MXD4: variants seen among roughly 807,000 people sequenced by gnomAD.
The protein encoded by MXD4 is MAX dimerization protein 4, also known as Mad4 homolog.
A neutral mutation model predicts 24.5 loss-of-function variants in MXD4; 16 were observed. That is an observed-to-expected ratio of 0.65 (90% confidence interval 0.44 to 0.99). MXD4 has a LOEUF of 0.99. MXD4 is among the 50% of genes least tolerant of loss of function. The pLI is 0.00. For synonymous variants in MXD4, 164 were observed against 134.2 expected (o/e 1.22, Z -1.54); for missense variants, 301 against 301.5 (o/e 1.00, Z 0.01).
Position 2,251,212 on chromosome 4 carries a change from A to C in MXD4, c.344T>G (p.Ile115Ser). ...LEEQDRRALS[I>S]KEQLQQEHRF... ...ATGCTCCTGCTGCAGCTGCTCCTTGATGCTCAGTGCCCGGCGGTCCTGCTC... is the reference window on the plus strand; with the variant it reads ...ATGCTCCTGCTGCAGCTGCTCCTTGCTGCTCAGTGCCCGGCGGTCCTGCTC... Residue 115 changes from isoleucine (I) to serine (S), a missense_variant, in exon 5 of 6, where the codon ATC becomes AGC. By Grantham distance (142) the Ile-to-Ser change is moderately radical. Coordinates refer to ENST00000337190, the MANE Select transcript of MXD4 (RefSeq NM_006454.3). The C allele has an allele frequency of 1.2e-6, 2 of 1,608,620 alleles. No individual in the cohort carries two copies. The highest frequency in any genetic ancestry group is 1.7e-6 in the Non-Finnish European group (2 of 1,177,336).
intron 2 of MXD4, among the ~76,000 whole-genome samples, chr4:2,259,357 A>G (rs1735493327): frequency 6.6e-6 from 1 of 152,152 alleles, no homozygotes; most frequent in South Asian, 2.1e-4. Flanking sequence ...GAGCCTCCGA[A>G]TCACTGCCAG....
chr4:2,254,968 CA>C (rs1735396051), intron 3 of MXD4: 1 of 247,998 alleles, frequency 4.0e-6, no homozygotes, highest in Non-Finnish European at 8.0e-6. Context: ...CTTGGTCCTA[CA>C]AAACTATCCC....
intron 2 of MXD4, among the ~76,000 whole-genome samples, chr4:2,259,991 G>A (rs1423183558): frequency 6.6e-6 from 1 of 152,228 alleles, no homozygotes. Context: ...AAGCCTCACA[G>A]GTGGGGACAA....
chr4:2,250,811 G>T, intron 5 of MXD4, 110 bp from the exon 6 acceptor site: 1 of 1,357,900 alleles, frequency 7.4e-7, no homozygotes, highest in Non-Finnish European at 9.9e-7. Flanking sequence ...TGCGGAGGGC[G>T]CTGTCTGGGC....
chr4:2,259,075 G>A (rs1486850747), intron 2 of MXD4: 1 of 420,844 alleles, frequency 2.4e-6, no homozygotes, highest in Non-Finnish European at 4.9e-6. Flanking sequence ...GGTGGGCAGA[G>A]AGCTCAGACT....
At position 2,248,633 on chromosome 4, in the gene MXD4, C is replaced by T. The variant is rs1283538800; in HGVS notation, c.*1911G>A. The T allele has an allele frequency of 6.6e-6, 1 of 152,310 alleles. No homozygotes were observed. Among genetic ancestry groups the T allele is most frequent in the Non-Finnish European group, 1.5e-5 (1 of 68,108 alleles). The allele number at this position is 152,310 out of a possible 1,614,324, so 9.4% of individuals were successfully genotyped here. A position where few individuals can be genotyped will look rare whatever the true frequency, so the allele number is the denominator to read the frequency against. On this transcript the variant is annotated 3_prime_UTR_variant, in exon 6 of 6. Transcript: ENST00000337190. ...ATGCAGACAGGCCTCCTCACAACCA[C>T]CCGCAACGCGTTCGGATGCCCCTCA...
chr4:2,261,838 G>T lies in MXD4; in HGVS notation c.65-14C>A. 7.3e-7 allele frequency: 1 copy of T among 1,364,382 alleles called. No homozygotes were observed. The highest frequency in any genetic ancestry group is 9.5e-7 in the Non-Finnish European group (1 of 1,057,874). The allele number at this position is 1,364,382 out of a possible 1,614,324, so 84.5% of individuals were successfully genotyped here. On this transcript the variant is annotated splice_polypyrimidine_tract_variant and intron_variant, in intron 1 of 5. Transcript: ENST00000337190. ...CGTGCTCGGCCTCTGCGGACACACG[G>T]CGCGGTCAGCGGCCCCCGCCCGGCA...
At chr4:2,256,146 G>C (rs1310153013) in intron 3 of MXD4, among the ~76,000 whole-genome samples, 2 of 152,040 alleles carry the variant, frequency 1.3e-5, no homozygotes, top group African/African-American at 2.4e-5. Context: ...GGCTGTCAAG[G>C]GCCAGGAAAG....
rs1178494872 is a variant in MXD4 at position 2,261,778 on chromosome 4, G to A, written c.111C>T (p.Phe37=). 8 of 1,431,096 alleles carry A rather than the reference G, an allele frequency of 5.6e-6. No individual in the cohort carries two copies. Among genetic ancestry groups the A allele is most frequent in the Middle Eastern group, 2.1e-4 (1 of 4,658 alleles). 88.6% of individuals were successfully genotyped at this position (1,431,096 alleles called of 1,614,324 possible). A position where few individuals can be genotyped will look rare whatever the true frequency, so the allele number is the denominator to read the frequency against. ...YASVLPFDGD[F]AREKTKAAGL... is the part of the protein sequence containing the mutation. ...CGGCCGCCTTTGTTTTCTCCCTGGC[G>A]AAGTCGCCGTCGAAGGGCAGCACCG... Residue 37 remains phenylalanine, a synonymous_variant, in exon 2 of 6, where the codon TTC becomes TTT. Coordinates refer to ENST00000337190, the MANE Select transcript of MXD4 (RefSeq NM_006454.3).
At position 2,250,651 on chromosome 4, in the gene MXD4, C is replaced by T; in HGVS notation, c.523G>A (p.Gly175Ser). ...EFGPGELDSV[G>S]SSSDADDHYS... ...TGGTCGTCCGCGTCACTGCTGCTGCCAACACTGTCCAGCTCACCAGGGCCA... is the reference window on the plus strand; with the variant it reads ...TGGTCGTCCGCGTCACTGCTGCTGCTAACACTGTCCAGCTCACCAGGGCCA... Residue 175 changes from glycine to serine, a missense_variant, in exon 6 of 6, where the codon GGC becomes AGC. Coordinates refer to ENST00000337190, the MANE Select transcript of MXD4 (RefSeq NM_006454.3). 6.2e-7 allele frequency: 1 copy of T among 1,613,746 alleles called. No individual in the cohort carries two copies. The highest frequency in any genetic ancestry group is 8.5e-7 in the Non-Finnish European group (1 of 1,179,970).
At chr4:2,254,375 C>T (rs1028160685) in intron 3 of MXD4, 1 of 152,070 alleles carries the variant, frequency 6.6e-6, no homozygotes, top group Non-Finnish European at 1.5e-5. Flanking sequence ...AGCAGACGCA[C>T]ACAAGAGACG....
intron 3 of MXD4, chr4:2,252,822 T>C: frequency 3.1e-6 from 1 of 321,482 alleles, no homozygotes; most frequent in Non-Finnish European, 5.9e-6. Flanking sequence ...CCATCCCCCA[T>C]CCCCCATCCC....
In MXD4 at chr4:2,250,664, C is replaced by T; in HGVS notation, c.510G>A (p.Glu170=). Residue 170 remains glutamate (E), a synonymous_variant, in exon 6 of 6, where the codon GAG becomes GAA. Transcript: ENST00000337190. ...DIEGMEFGPG[E]LDSVGSSSDA... ...CACTGCTGCTGCCAACACTGTCCAGCTCACCAGGGCCAAACTCCATGCCCT... is the reference window on the plus strand; with the variant it reads ...CACTGCTGCTGCCAACACTGTCCAGTTCACCAGGGCCAAACTCCATGCCCT... 3.7e-6 allele frequency: 6 copies of T among 1,613,754 alleles called. No individual in the cohort carries two copies. The highest frequency in any genetic ancestry group is 5.1e-6 in the Non-Finnish European group (6 of 1,179,966).
At position 2,261,982 on chromosome 4, in the gene MXD4, C is replaced by A. The variant is rs1422723501; in HGVS notation, c.-2G>T. The A allele has an allele frequency of 2.2e-6, 3 of 1,345,390 alleles. No homozygotes were observed. The highest frequency in any genetic ancestry group is 2.9e-6 in the Non-Finnish European group (3 of 1,039,780). The allele number at this position is 1,345,390 out of a possible 1,614,324, so 83.3% of individuals were successfully genotyped here. A position where few individuals can be genotyped will look rare whatever the true frequency, so the allele number is the denominator to read the frequency against. On this transcript the variant is annotated 5_prime_UTR_variant, in exon 1 of 6. It adds an upstream start codon to the 5' untranslated region. Coordinates refer to ENST00000337190, the MANE Select transcript of MXD4 (RefSeq NM_006454.3). ...GATCAGCAGGGAGTTCAGCTCCATCCTCCCGCCCGCGCCCGTCCGCCCCGG... is the reference window on the plus strand; with the variant it reads ...GATCAGCAGGGAGTTCAGCTCCATCATCCCGCCCGCGCCCGTCCGCCCCGG...
chr4:2,261,690 C>A (rs1297594146), intron 2 of MXD4, 35 bp downstream of exon 2: 7 of 1,237,528 alleles, frequency 5.7e-6, no homozygotes, highest in African/African-American at 3.3e-5. Flanking sequence ...GGGGTTCGGA[C>A]CGGGCCGGGC....
chr4:2,259,005 TCCAGG>T (rs1241986262), intron 2 of MXD4: 1 of 454,606 alleles, frequency 2.2e-6, no homozygotes, highest in African/African-American at 2.0e-5. Context: ...ACCTTCCGTG[TCCAGG>T]CAGGACCCCA....
At chr4:2,251,363 T>G in intron 4 of MXD4, 117 bp from the exon 5 acceptor site, 1 of 1,264,440 alleles carries the variant, frequency 7.9e-7, no homozygotes, top group Non-Finnish European at 1.1e-6. Flanking sequence ...TGCCAAGACC[T>G]AGCCAAGGCT....
In MXD4 at chr4:2,252,517, G is replaced by C. The variant is rs1266775907; in HGVS notation, c.200C>G (p.Ala67Gly). 6.2e-7 allele frequency: 1 copy of C among 1,610,496 alleles called. No homozygotes were observed. Among genetic ancestry groups the C allele is most frequent in the Non-Finnish European group, 8.5e-7 (1 of 1,179,026 alleles). Reference sequence around the variant, plus strand: ...CTGCTCAAGGTACAGCCTGAGTTTGGCTCGTCTGAAAGAGCCAGAGACAGA... The same window carrying C: ...CTGCTCAAGGTACAGCCTGAGTTTGCCTCGTCTGAAAGAGCCAGAGACAGA... ...SHNELEKHRR[A>G]KLRLYLEQLK... Residue 67 changes from alanine to glycine, a missense_variant, in exon 4 of 6, where the codon GCC becomes GGC. Physicochemically the swap from Ala to Gly is moderately conservative, Grantham distance 60 (BLOSUM62 0). Transcript: ENST00000337190.
intron 3 of MXD4, among the ~76,000 whole-genome samples, chr4:2,257,075 C>T (rs1046254794): frequency 5.9e-5 from 9 of 152,210 alleles, no homozygotes; most frequent in Admixed American, 2.6e-4. Context: ...GAGAACACTG[C>T]GTTCTGTCCC....
Sources: allele counts gnomAD v4.1 joint callset (sites outside exome capture counted in the v4.1 genomes callset), GRCh38; gene constraint gnomAD v4.1.1; transcripts MANE v1.5; gene names NCBI Gene and HGNC (gene_info 2026-07-23, HGNC 2026-07-21).